The following FRMPD1 variants were observed in gnomAD, a reference collection of about 807,000 sequenced individuals.
The protein encoded by FRMPD1 is FERM and PDZ domain-containing protein 1.
FRMPD1 carries 76 observed loss-of-function variants against 117.8 expected under a neutral mutation model. That is an observed-to-expected ratio of 0.65 (90% CI 0.54 to 0.78). The LOEUF (loss-of-function observed/expected upper bound fraction) is 0.78, where lower values mean the gene tolerates loss of function less well. Ranked by LOEUF, FRMPD1 falls within the 30% of genes least tolerant of loss-of-function variation. The pLI is 0.00. For missense variants in FRMPD1, 1,786 were observed against 1,964.5 expected (o/e 0.91, Z 1.72); for synonymous variants, 783 against 770.4 (o/e 1.02, Z -0.27).
chr9:37,647,510 CAAAAA>C (rs369681968), upstream of FRMPD1, among the ~76,000 whole-genome samples: 5 of 80,338 alleles, frequency 6.2e-5, no homozygotes, highest in African/African-American at 1.5e-4. Flanking sequence ...GACTCCGTTT[CAAAAA>C]AAAAAAAAAA....
chr9:37,710,676 A>AT (rs1822872705), intron 4 of FRMPD1, among the ~76,000 whole-genome samples: 1 of 151,938 alleles, frequency 6.6e-6, no homozygotes, highest in Admixed American at 6.6e-5. Context: ...CTCCTAAAAA[A>AT]TTTTTTTGGG....
chr9:37,703,040 TG>T (rs1230498284), intron 2 of FRMPD1, among the ~76,000 whole-genome samples: 2 of 152,192 alleles, frequency 1.3e-5, no homozygotes, highest in Non-Finnish European at 2.9e-5. Context: ...ATGGGAGACA[TG>T]GAGATGAATG....
the FRMPD1 span, among the ~76,000 whole-genome samples, chr9:37,613,607 AC>A: frequency 6.6e-6 from 1 of 152,240 alleles, no homozygotes; most frequent in East Asian, 1.9e-4. Flanking sequence ...TTCTCTGAAG[AC>A]AGGGTAGTCA....
intron 1 of FRMPD1, among the ~76,000 whole-genome samples, chr9:37,685,475 C>T (rs1204284061): frequency 6.6e-6 from 1 of 151,130 alleles, no homozygotes; most frequent in Non-Finnish European, 1.5e-5. Flanking sequence ...AACCCTGTCT[C>T]TACTAAAAAT....
intron 4 of FRMPD1, among the ~76,000 whole-genome samples, chr9:37,710,432 T>G (rs988280634): frequency 6.6e-6 from 1 of 152,210 alleles, no homozygotes; most frequent in Non-Finnish European, 1.5e-5. Context: ...GTCAAGCAGT[T>G]ATCTGCTTGA....
the FRMPD1 span, among the ~76,000 whole-genome samples, chr9:37,626,194 G>A: frequency 6.6e-6 from 1 of 152,176 alleles, no homozygotes; most frequent in Non-Finnish European, 1.5e-5. Flanking sequence ...TAGGCATGGT[G>A]GCACATGCCT....
the FRMPD1 span, among the ~76,000 whole-genome samples, chr9:37,619,740 ACAGC>A: frequency 6.6e-6 from 1 of 151,572 alleles, no homozygotes. Flanking sequence ...CCTGGGCGAC[ACAGC>A]GAGACTCCAG....
At chr9:37,738,726 G>T (rs941640924) in intron 14 of FRMPD1, among the ~76,000 whole-genome samples, 1 of 152,210 alleles carries the variant, frequency 6.6e-6, no homozygotes, top group African/African-American at 2.4e-5. Context: ...GTGGCAACAG[G>T]GCTGTTGTGG....
chr9:37,720,386 C>T (rs563103208), intron 6 of FRMPD1, among the ~76,000 whole-genome samples: 14 of 151,884 alleles, frequency 9.2e-5, no homozygotes, highest in Non-Finnish European at 1.8e-4. Flanking sequence ...CAAGACCGGC[C>T]GGGGGCGGTG....
intron 5 of FRMPD1, among the ~76,000 whole-genome samples, chr9:37,714,615 A>G (rs62533905): frequency 0.095 from 10,150 of 107,098 alleles, 444 homozygotes; most frequent in Admixed American, 0.19. Flanking sequence ...ATTTTATTTT[A>G]TTTTATTTTG....
At chr9:37,726,280 AG>A (rs1237625987) in intron 7 of FRMPD1, among the ~76,000 whole-genome samples, 1 of 152,190 alleles carries the variant, frequency 6.6e-6, no homozygotes, top group East Asian at 1.9e-4. Flanking sequence ...AGGGAAGAAA[AG>A]TTCTTGTATT....
chr9:37,721,344 CATG>C (rs148534028), intron 6 of FRMPD1, among the ~76,000 whole-genome samples: 15 of 152,320 alleles, frequency 9.8e-5, no homozygotes, highest in East Asian at 3.9e-4. Context: ...CCCCTTGGAA[CATG>C]ATAAGACTGC....
Position 37,740,313 on chromosome 9 carries a change from T to G in FRMPD1, c.1785T>G (p.Thr595=). The G allele has an allele frequency of 6.2e-7, 1 of 1,613,840 alleles. No homozygotes were observed. The highest frequency in any genetic ancestry group is 1.3e-5 in the African/African-American group (1 of 75,020). ...CCGAGGCGTCCGACTCAGCCAACAC[T>G]GAGAGCCGCGGCTACAGGACCAGTG... is the stretch of plus-strand genomic sequence containing the variant. ...AESEASDSAN[T]ESRGYRTSGS... Residue 595 remains threonine, a synonymous_variant, in exon 15 of 16, where the codon ACT becomes ACG. Coordinates refer to ENST00000377765, the MANE Select transcript of FRMPD1 (RefSeq NM_014907.3). The surrounding 1 kb of genome is among the most constrained non-coding windows in gnomAD (Gnocchi z 4.2).
intron 1 of FRMPD1, among the ~76,000 whole-genome samples, chr9:37,678,092 A>G (rs976868783): frequency 2.0e-5 from 3 of 152,050 alleles, no homozygotes; most frequent in Admixed American, 6.6e-5. Flanking sequence ...CCTTGGCTGG[A>G]GATTTGACTC....
intron 1 of FRMPD1, among the ~76,000 whole-genome samples, chr9:37,686,987 G>T (rs144713620): frequency 1.3e-5 from 2 of 152,296 alleles, no homozygotes; most frequent in African/African-American, 4.8e-5. Flanking sequence ...CTTAGATCTA[G>T]TGGAGACCTC....
rs1219567433 is a variant in FRMPD1, at chr9:37,744,611, T to C, written c.2579T>C (p.Leu860Pro). The C allele has an allele frequency of 1.2e-6, 2 of 1,614,030 alleles. No homozygotes were observed. The highest frequency in any genetic ancestry group is 3.3e-5 in the Admixed American group (2 of 60,030). Residue 860 changes from leucine to proline, a missense_variant, in exon 16 of 16, where the codon CTG (leucine) becomes CCG (proline). Physicochemically the swap from Leu to Pro is moderately conservative, Grantham distance 98. Coordinates refer to ENST00000377765, the MANE Select transcript of FRMPD1 (RefSeq NM_014907.3). Reference protein sequence around the residue: ...VSFPLVPSASLESVDDVCYYD... With the variant: ...VSFPLVPSASPESVDDVCYYD... ...TTTCCCCTGGTGCCATCAGCCTCCC[T>C]GGAGAGTGTAGACGACGTGTGCTAC...
At chr9:37,703,431 G>A (rs1588942234) in intron 2 of FRMPD1, among the ~76,000 whole-genome samples, 1 of 152,062 alleles carries the variant, frequency 6.6e-6, no homozygotes, top group East Asian at 1.9e-4. Context: ...GTGAAATGTG[G>A]GTATCTACTA....
Position 37,732,337 on chromosome 9 carries a change from G to A in FRMPD1, c.892G>A (p.Val298Ile), listed in dbSNP as rs780144947. The A allele has an allele frequency of 1.5e-5, 25 of 1,613,746 alleles. No individual in the cohort carries two copies. The highest frequency in any genetic ancestry group is 2.1e-5 in the Non-Finnish European group (25 of 1,180,006). Residue 298 changes from valine (V) to isoleucine (I), a missense_variant, in exon 10 of 16, where the codon GTA (valine) becomes ATA (isoleucine). Coordinates refer to ENST00000377765, the MANE Select transcript of FRMPD1 (RefSeq NM_014907.3). ...CGATGTGCTCCAGGAGCGCTTTGCT[G>A]TAGAAATGAAATGTAGCTCTGCACT... ...CSDVLQERFA[V>I]EMKCSSALRL...
chr9:37,724,661 A>G (rs1823546452), intron 7 of FRMPD1, among the ~76,000 whole-genome samples: 1 of 152,214 alleles, frequency 6.6e-6, no homozygotes, highest in Non-Finnish European at 1.5e-5. Flanking sequence ...TGCTACGCCA[A>G]ACACTACGAA....
Sources: gnomAD v4.1 joint callset for allele counts (sites outside exome capture counted in the v4.1 genomes callset) on GRCh38, gnomAD v4.1.1 for gene constraint, Gnocchi (gnomAD v3.1) non-coding constraint, MANE v1.5 for transcripts, NCBI Gene and HGNC (gene_info 2026-07-23, HGNC 2026-07-21) for gene names.